The following DEPDC5 variants were observed in gnomAD, a reference collection of about 807,000 sequenced individuals.
The protein encoded by DEPDC5 is DEP domain containing 5, GATOR1 subcomplex subunit, also known as GATOR1 complex protein DEPDC5.
A neutral mutation model predicts 217.3 loss-of-function variants in DEPDC5; 73 were observed. The observed-to-expected ratio is 0.34, with a 90% CI of 0.28 to 0.41. The LOEUF is 0.41. Ranked by LOEUF, DEPDC5 falls within the 10% of genes least tolerant of loss-of-function variation. The pLI is 1.00. For missense variants in DEPDC5, 1,675 were observed against 2,070.1 expected (o/e 0.81, Z 3.70); for synonymous variants, 733 against 756.7 (o/e 0.97, Z 0.51).
intron 37 of DEPDC5, among the ~76,000 whole-genome samples, chr22:31,876,962 T>G (rs1352253140): frequency 6.6e-6 from 1 of 151,310 alleles, no homozygotes; most frequent in Non-Finnish European, 1.5e-5. Context: ...AGACCAACAT[T>G]GGGAAACCCT....
intron 6 of DEPDC5, among the ~76,000 whole-genome samples, chr22:31,767,882 A>G (rs1024269462): frequency 1.9e-4 from 29 of 151,716 alleles, no homozygotes; most frequent in African/African-American, 6.8e-4. Context: ...AGTAGCTGGG[A>G]TTACAGGCGC....
In DEPDC5 at chr22:31,766,512, A is replaced by G. The variant is rs140207990; in HGVS notation, c.280-73A>G. The G allele has an allele frequency of 3.3e-4, 478 of 1,442,362 alleles. 1 individual carries two copies. In the African/African-American group the frequency reaches 5.9e-3, roughly 18 times the overall value. 89.3% of individuals were successfully genotyped at this position (1,442,362 alleles called of 1,614,324 possible). A position where few individuals can be genotyped will look rare whatever the true frequency, so the allele number is the denominator to read the frequency against. On this transcript the variant is annotated intron_variant, in intron 5 of 42. Transcript: ENST00000651528. ...TTTGCAATAAGTTTTTTTCCATGGTAAGTGGGCATTACCTTCTGACTATAA... is the reference window on the plus strand; with the variant it reads ...TTTGCAATAAGTTTTTTTCCATGGTGAGTGGGCATTACCTTCTGACTATAA...
At chr22:31,763,342 C>T (rs181980446) in intron 4 of DEPDC5, among the ~76,000 whole-genome samples, 280 of 152,000 alleles carry the variant, frequency 1.8e-3, no homozygotes, top group Non-Finnish European at 2.6e-3. Flanking sequence ...CCAGGCTGGT[C>T]TCAAATTCCT....
At chr22:31,885,832 G>C (rs1751290609) in intron 38 of DEPDC5, among the ~76,000 whole-genome samples, 1 of 151,040 alleles carries the variant, frequency 6.6e-6, no homozygotes, top group Admixed American at 6.6e-5. Context: ...TCAGGAATTT[G>C]AGACCAGCCT....
chr22:31,799,297 C>T (rs1229005868), intron 14 of DEPDC5, among the ~76,000 whole-genome samples: 1 of 151,628 alleles, frequency 6.6e-6, no homozygotes, highest in East Asian at 1.9e-4. Context: ...CCTGCCTCAG[C>T]CTCCCAAAGT....
Position 31,857,539 on chromosome 22 carries a change from G to A in DEPDC5, c.3250G>A (p.Asp1084Asn), listed in dbSNP as rs1175016051. The A allele has an allele frequency of 3.7e-6, 6 of 1,610,960 alleles. No individual in the cohort carries two copies. Among genetic ancestry groups the A allele is most frequent in the Non-Finnish European group, 5.1e-6 (6 of 1,178,698 alleles). The change falls in exon 32 of 43, where the codon GAC (aspartate) becomes AAC (asparagine). Residue 1084 changes from aspartate to asparagine, a missense_variant. Asp to Asn is a conservative substitution (Grantham distance 23). This residue lies in a region of DEPDC5 where 126 missense variants were observed against 113.8 expected (regional missense o/e 1.11). Transcript: ENST00000651528. ...CGTTGCCATGACTCCCACCTACATG[G>A]ACAGCCCACGAAAGGTAAAGGAAGC... The part of the protein sequence containing the change: ...SSVAMTPTYM[D>N]SPRKDGAFFM...
intron 24 of DEPDC5, among the ~76,000 whole-genome samples, chr22:31,826,037 C>CA (rs2090120274): frequency 6.6e-6 from 1 of 151,760 alleles, no homozygotes; most frequent in African/African-American, 2.4e-5. Context: ...GGAAGAGACT[C>CA]ACTCTGTCTC....
intron 25 of DEPDC5, 126 bp downstream of exon 25, chr22:31,834,106 G>C: frequency 1.1e-6 from 1 of 942,428 alleles, no homozygotes; most frequent in South Asian, 1.3e-5. Flanking sequence ...TCTGGGGTAT[G>C]GGAAGGCGAT....
At chr22:31,777,674 A>T (rs1354697487) in intron 7 of DEPDC5, among the ~76,000 whole-genome samples, 1 of 152,092 alleles carries the variant, frequency 6.6e-6, no homozygotes, top group Non-Finnish European at 1.5e-5. Context: ...GTTCTCTGGA[A>T]ATCTGTAACC....
chr22:31,843,892 TTC>T (rs372287855), intron 29 of DEPDC5, 80 bp downstream of exon 29: 65 of 1,386,528 alleles, frequency 4.7e-5, no homozygotes, highest in East Asian at 1.2e-4. Context: ...TTTCTGCCCT[TTC>T]TCTCTCTCTC....
rs112515237 is a variant in DEPDC5 at position 31,907,352 on chromosome 22, T to C, written c.*855T>C. On this transcript the variant is annotated 3_prime_UTR_variant, in exon 43 of 43. Coordinates refer to ENST00000651528, the MANE Select transcript of DEPDC5 (RefSeq NM_001242896.3). ...TCTGAAAAAAATCAAAGGAAACATT[T>C]TGTAGACTCTAACTTAGGTTTTTTT... 4 of 152,298 alleles carry C rather than the reference T, an allele frequency of 2.6e-5. No individual in the cohort carries two copies. Among genetic ancestry groups the C allele is most frequent in the African/African-American group, 9.6e-5 (4 of 41,544 alleles). 9.4% of individuals were successfully genotyped at this position (152,298 alleles called of 1,614,324 possible).
chr22:31,872,039 T>C (rs2092859205), intron 34 of DEPDC5, among the ~76,000 whole-genome samples: 1 of 152,240 alleles, frequency 6.6e-6, no homozygotes, highest in African/African-American at 2.4e-5. Flanking sequence ...CAGTGATTTC[T>C]GGACCCTCTG....
intron 22 of DEPDC5, among the ~76,000 whole-genome samples, chr22:31,820,557 C>A (rs2089592785): frequency 6.6e-6 from 1 of 152,100 alleles, no homozygotes; most frequent in African/African-American, 2.4e-5. Flanking sequence ...GGGGTCATGC[C>A]TAAACCCCGT....
intron 31 of DEPDC5, among the ~76,000 whole-genome samples, chr22:31,853,808 G>A (rs2149088792): frequency 6.6e-6 from 1 of 152,302 alleles, no homozygotes; most frequent in Non-Finnish European, 1.5e-5. Context: ...TGACAGCCAA[G>A]TCAGGGCAGA....
In DEPDC5 at chr22:31,845,185, T is replaced by C; in HGVS notation, c.2969T>C (p.Val990Ala). 1 of 1,614,184 alleles carries C rather than the reference T, an allele frequency of 6.2e-7. No homozygotes were observed. Among genetic ancestry groups the C allele is most frequent in the Non-Finnish European group, 8.5e-7 (1 of 1,180,024 alleles). Reference protein sequence around the residue: ...WQLLDGFVRFVEGLNRIRRRH... With the variant: ...WQLLDGFVRFAEGLNRIRRRH... Reference sequence around the variant, plus strand: ...CTCCTGGATGGTTTTGTCCGCTTTGTGGAGGGCTTGAATCGCATTCGCAGG... The same window carrying C: ...CTCCTGGATGGTTTTGTCCGCTTTGCGGAGGGCTTGAATCGCATTCGCAGG... Residue 990 changes from valine to alanine, a missense_variant, in exon 30 of 43, where the codon GTG becomes GCG. Transcript: ENST00000651528.
At chr22:31,864,526 T>TTATATATATATATATATATATATATA (rs1304597557) in intron 33 of DEPDC5, among the ~76,000 whole-genome samples, 1 of 117,890 alleles carries the variant, frequency 8.5e-6, no homozygotes, top group South Asian at 2.7e-4. Flanking sequence ...ATATATATAT[T>TTATATATATATATATATATATATATA]TATATATTTA....
intron 38 of DEPDC5, among the ~76,000 whole-genome samples, chr22:31,886,128 C>G (rs1369460224): frequency 6.6e-6 from 1 of 152,094 alleles, no homozygotes; most frequent in African/African-American, 2.4e-5. Context: ...CTCAAGCAGT[C>G]TTTCCACCTG....
chr22:31,833,227 T>A (rs1393338026), intron 24 of DEPDC5, among the ~76,000 whole-genome samples: 1 of 152,230 alleles, frequency 6.6e-6, no homozygotes, highest in Non-Finnish European at 1.5e-5. Flanking sequence ...ATATATGTTT[T>A]GAAAGGGACA....
rs1325996057 is a variant in DEPDC5 at position 31,754,849 on chromosome 22, A to T, written c.-60-13A>T. On this transcript the variant is annotated splice_polypyrimidine_tract_variant and intron_variant, in intron 1 of 42. Coordinates refer to ENST00000651528, the MANE Select transcript of DEPDC5 (RefSeq NM_001242896.3). The stretch of plus-strand genomic sequence containing the variant: ...CTGACATTCCAACCTTTTCGTTTGT[A>T]TTTCTGTGGCAGGGAGGCAAGATGA... 1 of 1,565,440 alleles carries T rather than the reference A, an allele frequency of 6.4e-7. No individual in the cohort carries two copies. Among genetic ancestry groups the T allele is most frequent in the African/African-American group, 1.4e-5 (1 of 73,696 alleles).
Sources: gnomAD v4.1 joint callset for allele counts (sites outside exome capture counted in the v4.1 genomes callset) on GRCh38, gnomAD v4.1.1 for gene constraint, gnomAD v4.1.1 regional missense constraint, MANE v1.5 for transcripts, NCBI Gene and HGNC (gene_info 2026-07-23, HGNC 2026-07-21) for gene names.